ADGRB3: variants seen among roughly 807,000 people sequenced by gnomAD.
The protein encoded by ADGRB3 is adhesion G protein-coupled receptor B3.
In ADGRB3, 37 loss-of-function variants were observed where a neutral mutation model predicts 193.4. The ratio of observed to expected loss-of-function variants is 0.19; its 90% CI spans 0.15 to 0.25. The LOEUF (loss-of-function observed/expected upper bound fraction) is 0.25. ADGRB3 is among the 10% of genes least tolerant of loss of function. The pLI is 1.00. For missense variants in ADGRB3, 1,637 were observed against 1,852.9 expected, an observed-to-expected ratio of 0.88 and a Z score of 2.14; for synonymous variants, 690 against 644.2, an observed-to-expected ratio of 1.07 and a Z score of -1.08.
intron 8 of ADGRB3, among the ~76,000 whole-genome samples, chr6:68,957,793 T>C (rs1435849239): frequency 6.6e-6 from 1 of 152,192 alleles, no homozygotes; most frequent in Non-Finnish European, 1.5e-5. Flanking sequence ...GCTTTGTATT[T>C]TTCCAAAGTT....
At chr6:68,930,488 C>T in intron 3 of ADGRB3, 71 bp from the exon 4 acceptor site, 1 of 1,013,952 alleles carries the variant, frequency 9.9e-7, no homozygotes, top group Non-Finnish European at 1.5e-6. Context: ...GAACATATTG[C>T]ATGAGACAGT....
intron 17 of ADGRB3, among the ~76,000 whole-genome samples, chr6:69,205,082 C>A (rs896311678): frequency 7.9e-5 from 12 of 152,102 alleles, no homozygotes; most frequent in African/African-American, 2.9e-4. Flanking sequence ...AAATGTTTAG[C>A]ATATTGCAAA....
At chr6:69,081,639 T>G (rs1282201837) in intron 17 of ADGRB3, among the ~76,000 whole-genome samples, 3 of 152,016 alleles carry the variant, frequency 2.0e-5, no homozygotes, top group Non-Finnish European at 2.9e-5. Context: ...CCATTATAAT[T>G]CAGCTTTCTT....
rs115138477 is a variant in ADGRB3 at position 69,234,907 on chromosome 6, C to T, written c.2608-125C>T. 8.5e-4 allele frequency: 569 copies of T among 669,986 alleles called. 8 individuals are homozygous for T. The highest frequency in any genetic ancestry group is 6.6e-3 in the African/African-American group (362 of 54,898). 41.5% of individuals were successfully genotyped at this position (669,986 alleles called of 1,614,324 possible). A position where few individuals can be genotyped will look rare whatever the true frequency, so the allele number is the denominator to read the frequency against. On this transcript the variant is annotated intron_variant, in intron 18 of 31. Transcript: ENST00000370598. The stretch of plus-strand genomic sequence containing the variant: ...AAGAACAGAGTGGATTCATGGGTAA[C>T]TATCTGGTAACTATAACAACTATAT...
At chr6:69,098,294 T>G (rs1307469233) in intron 17 of ADGRB3, among the ~76,000 whole-genome samples, 1 of 152,234 alleles carries the variant, frequency 6.6e-6, no homozygotes, top group Admixed American at 6.5e-5. Context: ...ATTATTAATT[T>G]GGGACTCTAT....
At chr6:68,898,921 C>G (rs903959657) in intron 3 of ADGRB3, among the ~76,000 whole-genome samples, 2 of 152,064 alleles carry the variant, frequency 1.3e-5, no homozygotes, top group African/African-American at 4.8e-5. Context: ...TTTGTCACAA[C>G]AAGATTTAGA....
chr6:69,285,047 A>G (rs1767518832), intron 20 of ADGRB3, among the ~76,000 whole-genome samples: 1 of 152,262 alleles, frequency 6.6e-6, no homozygotes, highest in Non-Finnish European at 1.5e-5. Context: ...TTGTGGAGTT[A>G]TAAGATGCTC....
intron 17 of ADGRB3, among the ~76,000 whole-genome samples, chr6:69,095,521 G>A (rs62406771): frequency 0.028 from 4,204 of 152,242 alleles, 79 homozygotes; most frequent in Non-Finnish European, 0.042. Flanking sequence ...TGGTAAGGCA[G>A]GGAAGACTGG....
At chr6:68,824,488 T>G (rs2127381443) in intron 3 of ADGRB3, among the ~76,000 whole-genome samples, 1 of 148,934 alleles carries the variant, frequency 6.7e-6, no homozygotes, top group Non-Finnish European at 1.5e-5. Flanking sequence ...AGGGTACAAT[T>G]CATCGGATAT....
chr6:68,846,525 G>T (rs1480347301), intron 3 of ADGRB3, among the ~76,000 whole-genome samples: 2 of 152,232 alleles, frequency 1.3e-5, no homozygotes, highest in African/African-American at 4.8e-5. Context: ...CCAGGGATTT[G>T]GTGTCCTGTG....
intron 11 of ADGRB3, among the ~76,000 whole-genome samples, chr6:68,996,618 C>A (rs1028628127): frequency 6.6e-6 from 1 of 152,110 alleles, no homozygotes; most frequent in African/African-American, 2.4e-5. Flanking sequence ...ATGTTCTTGG[C>A]TCTGGGTCTT....
chr6:68,875,453 G>A (rs1765572906), intron 3 of ADGRB3, among the ~76,000 whole-genome samples: 1 of 151,548 alleles, frequency 6.6e-6, no homozygotes, highest in East Asian at 1.9e-4. Flanking sequence ...TACTAATAAT[G>A]TGATCTTAAG....
chr6:68,904,541 T>C (rs892513351), intron 3 of ADGRB3, among the ~76,000 whole-genome samples: 4 of 152,214 alleles, frequency 2.6e-5, no homozygotes, highest in Non-Finnish European at 4.4e-5. Flanking sequence ...ACATTACATA[T>C]GTTTTTAGTG....
chr6:69,137,437 C>A (rs1003046855), intron 17 of ADGRB3, among the ~76,000 whole-genome samples: 9 of 151,538 alleles, frequency 5.9e-5, no homozygotes, highest in African/African-American at 2.2e-4. Context: ...CACGCAAAAA[C>A]AAATCAATCA....
intron 20 of ADGRB3, among the ~76,000 whole-genome samples, chr6:69,285,569 G>A (rs1305321068): frequency 1.3e-5 from 2 of 152,100 alleles, no homozygotes. Context: ...TACTTGGGAG[G>A]CTGAGGCAGG....
At chr6:69,331,810 T>G (rs890596811) in intron 23 of ADGRB3, 1 of 985,098 alleles carries the variant, frequency 1.0e-6, no homozygotes, top group African/African-American at 1.7e-5. Flanking sequence ...CCCTTATGAT[T>G]AAGTTGTAGA....
intron 29 of ADGRB3, among the ~76,000 whole-genome samples, chr6:69,363,345 G>T (rs17749438): frequency 0.025 from 3,871 of 152,020 alleles, 75 homozygotes; most frequent in Middle Eastern, 0.071. Context: ...ATTGCTTAGG[G>T]TGACTATTTT....
intron 3 of ADGRB3, among the ~76,000 whole-genome samples, chr6:68,794,900 C>G (rs945768690): frequency 1.3e-5 from 2 of 152,088 alleles, no homozygotes; most frequent in African/African-American, 4.8e-5. Flanking sequence ...GCAAAACACT[C>G]TATTTCCTCC....
At chr6:69,182,401 A>G (rs573657493) in intron 17 of ADGRB3, among the ~76,000 whole-genome samples, 1 of 138,098 alleles carries the variant, frequency 7.2e-6, no homozygotes, top group East Asian at 1.9e-4. Context: ...AAATAAAACA[A>G]CAACAAGAAA....
Sources: allele counts gnomAD v4.1 joint callset (sites outside exome capture counted in the v4.1 genomes callset), GRCh38; gene constraint gnomAD v4.1.1; transcripts MANE v1.5; gene names NCBI Gene and HGNC (gene_info 2026-07-23, HGNC 2026-07-21).